Variants in CLIP1 observed in about 807,000 individuals in gnomAD.
CLIP1 encodes CAP-Gly domain containing linker protein 1, also known as CAP-Gly domain-containing linker protein 1.
In CLIP1, 66 loss-of-function variants were observed where a neutral mutation model predicts 161.6. The observed-to-expected ratio is 0.41, with a 90% CI of 0.33 to 0.50. CLIP1 has a LOEUF of 0.50. Among genes scored for constraint, CLIP1 ranks in the 20% least tolerant of loss-of-function variants. CLIP1 has a pLI of 0.27. For missense variants in CLIP1, 1,376 were observed against 1,702.0 expected, an observed-to-expected ratio of 0.81 and a Z score of 3.37; for synonymous variants, 598 against 626.2, an observed-to-expected ratio of 0.96 and a Z score of 0.67.
At chr12:122,402,261 A>C (rs1956170291) in intron 1 of CLIP1, among the ~76,000 whole-genome samples, 2 of 152,144 alleles carry the variant, frequency 1.3e-5, no homozygotes, top group African/African-American at 4.8e-5. Context: ...GCCCAAGTGG[A>C]AGGATCACTT....
intron 4 of CLIP1, among the ~76,000 whole-genome samples, chr12:122,363,570 G>C (rs142349048): frequency 2.6e-5 from 4 of 151,788 alleles, no homozygotes; most frequent in African/African-American, 9.7e-5. Flanking sequence ...TCCTGCCGCA[G>C]GATGGAATTC....
intron 3 of CLIP1, chr12:122,365,031 A>C (rs2136632848): frequency 2.5e-6 from 1 of 403,504 alleles, no homozygotes; most frequent in African/African-American, 2.1e-5. Flanking sequence ...TGGGAATTGA[A>C]CAATGAGAAC....
intron 1 of CLIP1, among the ~76,000 whole-genome samples, chr12:122,401,503 T>C (rs571742993): frequency 6.6e-6 from 1 of 150,658 alleles, no homozygotes; most frequent in South Asian, 2.1e-4. Flanking sequence ...CCATCTCTAC[T>C]AAAAATACAA....
intron 1 of CLIP1, among the ~76,000 whole-genome samples, chr12:122,403,770 C>G (rs906423584): frequency 3.3e-5 from 5 of 152,082 alleles, no homozygotes; most frequent in African/African-American, 9.7e-5. Flanking sequence ...AACCACCCAC[C>G]TTGGCCTCCC....
chr12:122,302,178 G>A (rs532359456), intron 20 of CLIP1, among the ~76,000 whole-genome samples: 98 of 152,194 alleles, frequency 6.4e-4, no homozygotes, highest in Non-Finnish European at 1.0e-3. Flanking sequence ...TCAGCTCACC[G>A]CAACCTCTGC....
intron 15 of CLIP1, among the ~76,000 whole-genome samples, chr12:122,328,860 C>A (rs1024006973): frequency 6.6e-6 from 1 of 152,246 alleles, no homozygotes; most frequent in South Asian, 2.1e-4. Flanking sequence ...GGATTACAGG[C>A]GTGAGCCACC....
intron 20 of CLIP1, among the ~76,000 whole-genome samples, chr12:122,298,849 G>A (rs779533871): frequency 6.6e-6 from 1 of 152,032 alleles, no homozygotes; most frequent in African/African-American, 2.4e-5. Flanking sequence ...CAGCTACTGG[G>A]GAGGCTGAGG....
chr12:122,416,852 A>T (rs193259349), intron 1 of CLIP1, among the ~76,000 whole-genome samples: 11 of 152,070 alleles, frequency 7.2e-5, no homozygotes. Flanking sequence ...GTAAGCAGAG[A>T]TCACGCCATT....
rs144045451 is a variant in CLIP1, at chr12:122,353,297, G to A, written c.1308-511C>T. Among the ~76,000 whole-genome samples the A allele has an allele frequency of 3.8e-3, 575 of 152,194 alleles. 2 individuals carry two copies. Among genetic ancestry groups the A allele is most frequent in the African/African-American group, 0.013 (549 of 41,504 alleles). On this transcript the variant is annotated intron_variant, in intron 7 of 25. Transcript: ENST00000620786. ...GTCAAGGCTGCAGTGAGTTATGATC[G>A]TATGACTGCACTCCAGGCTGCACAA...
chr12:122,273,060 A>G lies in CLIP1; in HGVS notation c.4132T>C (p.Phe1378Leu). 1 of 1,614,192 alleles carries G rather than the reference A, an allele frequency of 6.2e-7. No homozygotes were observed. The highest frequency in any genetic ancestry group is 8.5e-7 in the Non-Finnish European group (1 of 1,180,032). The change falls in exon 26 of 26, where the codon TTC becomes CTC. Residue 1378 changes from phenylalanine (F) to leucine (L), a missense_variant. Physicochemically the swap from Phe to Leu is conservative, Grantham distance 22. Coordinates refer to ENST00000620786, the MANE Select transcript of CLIP1 (RefSeq NM_001247997.2). ...EKQSKKKPRL[F>L]CDICDCFDLH... ...TCAAAGCAGTCACAAATGTCACAGA[A>G]GAGGCGAGGTTTCTTCTTGGACTGT...
chr12:122,394,897 A>G (rs960522912), intron 1 of CLIP1, among the ~76,000 whole-genome samples: 9 of 152,114 alleles, frequency 5.9e-5, no homozygotes, highest in South Asian at 2.1e-4. Flanking sequence ...GTTAATATTA[A>G]CCCTCAGAGA....
At chr12:122,303,552 G>A (rs187180494) in intron 20 of CLIP1, among the ~76,000 whole-genome samples, 13 of 152,298 alleles carry the variant, frequency 8.5e-5, no homozygotes, top group Admixed American at 3.3e-4. Context: ...CATAGACTCC[G>A]TTGGTGATCT....
chr12:122,416,777 G>C (rs1021413144), intron 1 of CLIP1, among the ~76,000 whole-genome samples: 6 of 152,080 alleles, frequency 3.9e-5, no homozygotes, highest in Non-Finnish European at 8.8e-5. Context: ...GTGTATGCCT[G>C]TAATCCCAGC....
In CLIP1 at chr12:122,393,942, T is replaced by G. The variant is rs576413981; in HGVS notation, c.-106-13384A>C. On this transcript the variant is annotated intron_variant, in intron 1 of 25. Transcript: ENST00000620786. ...AAAAAAAAAAAAAAGATTCTAGGTT[T>G]TATGTATTTAAGAAAATAGGGACAT... Among the ~76,000 whole-genome samples, 8 of 117,914 alleles carry G rather than the reference T, an allele frequency of 6.8e-5. No individual in the cohort carries two copies. The South Asian group carries it at 2.2e-3, about 32-fold the overall frequency. 77.4% of individuals were successfully genotyped at this position (117,914 alleles called of 152,430 possible). A position where few individuals can be genotyped will look rare whatever the true frequency, so the allele number is the denominator to read the frequency against.
At chr12:122,419,828 C>A (rs1033978353) in intron 1 of CLIP1, among the ~76,000 whole-genome samples, 2 of 144,534 alleles carry the variant, frequency 1.4e-5, no homozygotes, top group African/African-American at 5.1e-5. Context: ...CCCAGCTACT[C>A]GGGAGGCTGA....
chr12:122,321,550 G>A (rs1016352656), intron 17 of CLIP1, among the ~76,000 whole-genome samples: 2 of 146,480 alleles, frequency 1.4e-5, no homozygotes, highest in Middle Eastern at 8.1e-3. Flanking sequence ...ATGGGGTCTC[G>A]CTCTGTCAAC....
At chr12:122,306,262 A>T (rs1950870521) in intron 20 of CLIP1, among the ~76,000 whole-genome samples, 1 of 151,920 alleles carries the variant, frequency 6.6e-6, no homozygotes, top group African/African-American at 2.4e-5. Context: ...AACAGTCCTT[A>T]ATAAACTCCC....
At chr12:122,293,929 C>A (rs536654604) in intron 20 of CLIP1, among the ~76,000 whole-genome samples, 3 of 151,588 alleles carry the variant, frequency 2.0e-5, no homozygotes, top group African/African-American at 7.3e-5. Context: ...CTCAGCCTCC[C>A]GGAGAATTTC....
chr12:122,341,284 T>G lies in CLIP1; in HGVS notation c.1920A>C (p.Glu640Asp), dbSNP rs758597643. The G allele has an allele frequency of 6.2e-7, 1 of 1,614,070 alleles. No individual in the cohort carries two copies. The highest frequency in any genetic ancestry group is 1.7e-5 in the Admixed American group (1 of 60,014). Residue 640 changes from glutamate to aspartate, a missense_variant, in exon 11 of 26, where the codon GAA becomes GAC. By Grantham distance (45) the Glu-to-Asp change is conservative (BLOSUM62 2). Around this residue, in one of 6 missense-constraint regions of CLIP1, gnomAD observed 948 missense variants for 1,134.8 expected, o/e 0.84. Coordinates refer to ENST00000620786, the MANE Select transcript of CLIP1 (RefSeq NM_001247997.2). ...GCCCTTTGCTGAAAGATACCTTCAG[T>G]TCTTCCATCGCCTGCTGGTGGGATG... ...AIASHQQAME[E>D]LKVSFSKGLG...
Sources: allele counts gnomAD v4.1 joint callset (sites outside exome capture counted in the v4.1 genomes callset), GRCh38; gene constraint gnomAD v4.1.1; regional missense constraint gnomAD v4.1.1; transcripts MANE v1.5; gene names NCBI Gene and HGNC (gene_info 2026-07-23, HGNC 2026-07-21).